CDKL2: variants seen among roughly 807,000 people sequenced by gnomAD.
CDKL2 encodes the protein cyclin-dependent kinase-like 2.
CDKL2 carries 64 observed loss-of-function variants against 63.9 expected under a neutral mutation model. The observed-to-expected ratio is 1.00, with a 90% CI of 0.82 to 1.23. The LOEUF is 1.23. Among genes scored for constraint, CDKL2 ranks in the 50% most tolerant of loss-of-function variants. The pLI is 0.00. For missense variants in CDKL2, 656 were observed against 668.0 expected, an observed-to-expected ratio of 0.98 and a Z score of 0.20; for synonymous variants, 211 against 229.2, an observed-to-expected ratio of 0.92 and a Z score of 0.72.
At chr4:75,591,376 G>A (rs183622959) in intron 12 of CDKL2, among the ~76,000 whole-genome samples, 4 of 152,218 alleles carry the variant, frequency 2.6e-5, no homozygotes, top group African/African-American at 9.6e-5. Flanking sequence ...CAGAAGGATC[G>A]CTTGAGGCCA....
At chr4:75,582,445 T>C (rs1351359050) in intron 12 of CDKL2, among the ~76,000 whole-genome samples, 1 of 152,050 alleles carries the variant, frequency 6.6e-6, no homozygotes, top group Non-Finnish European at 1.5e-5. Flanking sequence ...AAGTAAAAAG[T>C]CAGAGAACTT....
At chr4:75,629,200 C>T (rs1730569148) in intron 1 of CDKL2, among the ~76,000 whole-genome samples, 2 of 152,038 alleles carry the variant, frequency 1.3e-5, no homozygotes, top group African/African-American at 4.8e-5. Context: ...ACAAAAATAG[C>T]TTGAATCTAT....
At position 75,577,142 on chromosome 4, in the gene CDKL2, C is replaced by T. The variant is rs372485332; in HGVS notation, c.*2060G>A. Among the ~76,000 whole-genome samples, 7 of 152,148 alleles carry T rather than the reference C, an allele frequency of 4.6e-5. 1 individual carries two copies. Among genetic ancestry groups the T allele is most frequent in the East Asian group, 1.9e-4 (1 of 5,186 alleles). On this transcript the variant is annotated 3_prime_UTR_variant, in exon 14 of 14. Transcript: ENST00000307465. ...AAGATAATATTTATTAATTTTAAAACATACATACATGCAGCAAGCCCACTG... is the reference window on the plus strand; with the variant it reads ...AAGATAATATTTATTAATTTTAAAATATACATACATGCAGCAAGCCCACTG...
intron 1 of CDKL2, among the ~76,000 whole-genome samples, chr4:75,629,702 G>C (rs1385757160): frequency 6.6e-6 from 1 of 152,132 alleles, no homozygotes; most frequent in African/African-American, 2.4e-5. Context: ...CACTTTGGGA[G>C]GCCGAGGCGG....
chr4:75,603,703 A>C, intron 6 of CDKL2, 114 bp downstream of exon 6: 1 of 776,682 alleles, frequency 1.3e-6, no homozygotes. Flanking sequence ...TGACAGAGCA[A>C]GACTCCATCA....
At chr4:75,609,769 T>C (rs1729602502) in intron 3 of CDKL2, among the ~76,000 whole-genome samples, 1 of 151,416 alleles carries the variant, frequency 6.6e-6, no homozygotes, top group South Asian at 2.1e-4. Flanking sequence ...ATAGATTTGT[T>C]TTAACTCTTT....
chr4:75,619,584 A>T (rs1283750208), intron 2 of CDKL2, among the ~76,000 whole-genome samples: 2 of 109,370 alleles, frequency 1.8e-5, no homozygotes, highest in Non-Finnish European at 3.7e-5. Flanking sequence ...GTATAAAAAA[A>T]AAAAAAAAAA....
intron 2 of CDKL2, among the ~76,000 whole-genome samples, chr4:75,616,156 T>C (rs1729915651): frequency 6.6e-6 from 1 of 151,862 alleles, no homozygotes; most frequent in African/African-American, 2.4e-5. Flanking sequence ...GTAAGCAATA[T>C]GGCTAGGCAT....
intron 5 of CDKL2, 27 bp from the exon 6 acceptor site, chr4:75,603,983 T>C: frequency 1.9e-6 from 3 of 1,588,392 alleles, no homozygotes; most frequent in Non-Finnish European, 2.6e-6. Flanking sequence ...CACATATCTC[T>C]GTTATTATAC....
chr4:75,580,171 C>T (rs1728199417), intron 13 of CDKL2, among the ~76,000 whole-genome samples: 1 of 152,046 alleles, frequency 6.6e-6, no homozygotes, highest in Non-Finnish European at 1.5e-5. Context: ...ACTCAGGAGG[C>T]TGAGGCATGA....
intron 7 of CDKL2, 114 bp downstream of exon 7, chr4:75,600,167 T>G: frequency 1.5e-6 from 1 of 660,734 alleles, no homozygotes; most frequent in Non-Finnish European, 2.7e-6. Context: ...GGTAGATATC[T>G]GAGATCCTGC....
chr4:75,606,216 A>ATTTT (rs33912317), intron 4 of CDKL2, among the ~76,000 whole-genome samples: 1 of 132,262 alleles, frequency 7.6e-6, no homozygotes. Context: ...GATAGGGATA[A>ATTTT]TTTTTTTTTT....
Position 75,630,151 on chromosome 4 carries a change from T to C in CDKL2, c.-139A>G, listed in dbSNP as rs1263436548. On this transcript the variant is annotated 5_prime_UTR_variant, in exon 1 of 14. Coordinates refer to ENST00000307465, the MANE Select transcript of CDKL2 (RefSeq NM_001330724.2). ...GTCCAAAAGATGCTGCCTAGCAAAC[T>C]AGCAATTCCAGCGCTGTTGTGATTT... 6.6e-6 allele frequency: 1 copy of C among 152,590 alleles called. No individual in the cohort carries two copies. The highest frequency in any genetic ancestry group is 1.9e-4 in the East Asian group (1 of 5,186). 9.5% of individuals were successfully genotyped at this position (152,590 alleles called of 1,614,324 possible).
At chr4:75,605,272 G>C (rs1280876448) in intron 5 of CDKL2, among the ~76,000 whole-genome samples, 1 of 152,078 alleles carries the variant, frequency 6.6e-6, no homozygotes, top group Non-Finnish European at 1.5e-5. Context: ...AGAATCGCTT[G>C]AACCCAGGAG....
Position 75,577,040 on chromosome 4 carries a change from A to T in CDKL2, c.*2162T>A, listed in dbSNP as rs540963999. On this transcript the variant is annotated 3_prime_UTR_variant, in exon 14 of 14. Transcript: ENST00000307465. The stretch of plus-strand genomic sequence containing the variant: ...CAGATTTAAAACTTATTTGTTAAAT[A>T]CCATACAGTAGTGTATATATTATTT... Among the ~76,000 whole-genome samples the T allele has an allele frequency of 6.6e-6, 1 of 152,188 alleles. No individual in the cohort carries two copies. Among genetic ancestry groups the T allele is most frequent in the Non-Finnish European group, 1.5e-5 (1 of 68,010 alleles).
intron 12 of CDKL2, among the ~76,000 whole-genome samples, chr4:75,582,663 T>C (rs896015011): frequency 2.0e-5 from 3 of 151,908 alleles, no homozygotes; most frequent in African/African-American, 4.8e-5. Context: ...TGGTAAAATA[T>C]ATAAGTTTAA....
chr4:75,603,973 C>T lies in CDKL2; in HGVS notation c.656-17G>A, dbSNP rs746373289. The T allele has an allele frequency of 5.0e-6, 8 of 1,596,226 alleles. No individual in the cohort carries two copies. Among genetic ancestry groups the T allele is most frequent in the Non-Finnish European group, 5.1e-6 (6 of 1,173,158 alleles). Reference sequence around the variant, plus strand: ...TTAGATTACCTGGAAGTGAAAACAGCACATATCTCTGTTATTATACAACAT... The same window carrying T: ...TTAGATTACCTGGAAGTGAAAACAGTACATATCTCTGTTATTATACAACAT... On this transcript the variant is annotated splice_polypyrimidine_tract_variant and intron_variant, in intron 5 of 13. Coordinates refer to ENST00000307465, the MANE Select transcript of CDKL2 (RefSeq NM_001330724.2).
In CDKL2 at chr4:75,581,911, AAT is replaced by A; in HGVS notation, c.1648-15_1648-14del. 1.3e-6 allele frequency: 2 copies of A among 1,586,852 alleles called. No individual in the cohort carries two copies. Among genetic ancestry groups the A allele is most frequent in the Non-Finnish European group, 1.7e-6 (2 of 1,156,128 alleles). On this transcript the variant is annotated splice_polypyrimidine_tract_variant and intron_variant, in intron 12 of 13. Transcript: ENST00000307465. ...GAGGTCCTGATACCTATAAATTAAT[AAT>A]AGAGCATCATAGGTTCTCAGTAATT...
intron 9 of CDKL2, 145 bp from the exon 10 acceptor site, chr4:75,596,485 TG>T: frequency 1.6e-6 from 1 of 625,498 alleles, no homozygotes; most frequent in South Asian, 1.9e-5. Flanking sequence ...CACATAAATC[TG>T]GTGAAACATT....
Sources: gnomAD v4.1 joint callset for allele counts (sites outside exome capture counted in the v4.1 genomes callset) on GRCh38, gnomAD v4.1.1 for gene constraint, MANE v1.5 for transcripts, NCBI Gene and HGNC (gene_info 2026-07-23, HGNC 2026-07-21) for gene names.